The following CLIC5 variants were observed in gnomAD, a reference collection of about 807,000 sequenced individuals.
CLIC5 encodes CLIC family member 5, also known as chloride intracellular channel protein 5.
Under a neutral mutation model 24.7 loss-of-function variants are expected in CLIC5, and 20 were observed. The ratio of observed to expected loss-of-function variants is 0.81; its 90% CI spans 0.57 to 1.18. The LOEUF is 1.18. Ranked by LOEUF, CLIC5 falls within the 50% of genes most tolerant of loss-of-function variation. The pLI is 0.00. For synonymous variants in CLIC5, 159 were observed against 135.6 expected (o/e 1.17, Z -1.20); for missense variants, 341 against 326.1 (o/e 1.05, Z -0.35).
intron 1 of CLIC5, among the ~76,000 whole-genome samples, chr6:46,046,680 T>G (rs1301891211): frequency 5.3e-5 from 8 of 152,212 alleles, no homozygotes. Context: ...GTTTTAGCAC[T>G]CTTTCTATTA....
intron 1 of CLIC5, among the ~76,000 whole-genome samples, chr6:46,070,865 T>TA (rs1762575855): frequency 6.6e-6 from 1 of 152,062 alleles, no homozygotes; most frequent in Non-Finnish European, 1.5e-5. Flanking sequence ...ATGGTATTGA[T>TA]ACAAAAACAG....
intron 1 of CLIC5, among the ~76,000 whole-genome samples, chr6:46,031,266 T>A (rs1214834482): frequency 1.3e-5 from 2 of 152,224 alleles, no homozygotes; most frequent in Non-Finnish European, 2.9e-5. Context: ...CAGAATATGC[T>A]GTCTTCAGTA....
chr6:45,956,513 C>T (rs1411957286), intron 1 of CLIC5, among the ~76,000 whole-genome samples: 1 of 148,406 alleles, frequency 6.7e-6, no homozygotes, highest in Non-Finnish European at 1.5e-5. Flanking sequence ...AAAACAAATG[C>T]GTTCTCGAAG....
rs1766978394 is a variant in CLIC5 at position 46,015,685 on chromosome 6, C to G, written c.-143G>C. The G allele has an allele frequency of 7.7e-7, 1 of 1,290,790 alleles. No homozygotes were observed. 80.0% of individuals were successfully genotyped at this position (1,290,790 alleles called of 1,614,324 possible). ...AATTTTTCACAAAACCATCTATTCT[C>G]CAGCCCGAGCAGCGGGGTCTGAGAG... On this transcript the variant is annotated 5_prime_UTR_variant, in exon 1 of 6. Coordinates refer to ENST00000339561, the MANE Select transcript of CLIC5 (RefSeq NM_016929.5).
intron 1 of CLIC5, among the ~76,000 whole-genome samples, chr6:46,039,666 GT>G (rs1394155786): frequency 5.3e-5 from 8 of 152,122 alleles, no homozygotes; most frequent in Non-Finnish European, 1.0e-4. Context: ...AAAAGGGATT[GT>G]AAGGAAGTTA....
At chr6:46,110,122 T>TAC in the CLIC5 span, among the ~76,000 whole-genome samples, 2 of 152,214 alleles carry the variant, frequency 1.3e-5, no homozygotes, top group African/African-American at 4.8e-5. Context: ...TGCTCTCCGT[T>TAC]ACCTCAAGTA....
intron 5 of CLIC5, among the ~76,000 whole-genome samples, chr6:45,908,290 T>C (rs569128021): frequency 6.6e-6 from 1 of 152,312 alleles, no homozygotes; most frequent in African/African-American, 2.4e-5. Flanking sequence ...GCTCTGATTT[T>C]AGTTATTTCT....
At chr6:46,020,503 C>T (rs1472933823), upstream of CLIC5, among the ~76,000 whole-genome samples, 1 of 151,616 alleles carries the variant, frequency 6.6e-6, no homozygotes, top group African/African-American at 2.4e-5. Context: ...TCTAGGCTTC[C>T]ATTTTATGGA....
chr6:46,054,854 G>GA (rs1240197151), intron 1 of CLIC5, among the ~76,000 whole-genome samples: 1 of 152,174 alleles, frequency 6.6e-6, no homozygotes, highest in Non-Finnish European at 1.5e-5. Flanking sequence ...CCAGAACCGT[G>GA]AAAAAATAAG....
At chr6:45,919,755 G>A (rs904599194) in intron 4 of CLIC5, among the ~76,000 whole-genome samples, 1 of 152,142 alleles carries the variant, frequency 6.6e-6, no homozygotes, top group African/African-American at 2.4e-5. Context: ...TGTTGAAAAT[G>A]CTATTTTGAA....
intron 1 of CLIC5, among the ~76,000 whole-genome samples, chr6:46,015,241 G>T (rs1292393052): frequency 1.3e-5 from 2 of 152,098 alleles, no homozygotes; most frequent in African/African-American, 4.8e-5. Flanking sequence ...AGGCGGGGAC[G>T]GGGGTGGACA....
At chr6:46,042,255 G>A (rs865973514) in intron 1 of CLIC5, among the ~76,000 whole-genome samples, 2 of 152,142 alleles carry the variant, frequency 1.3e-5, no homozygotes, top group African/African-American at 2.4e-5. Flanking sequence ...TTCAATGAAA[G>A]CATTAAAAAG....
chr6:46,098,968 C>A, the CLIC5 span, among the ~76,000 whole-genome samples: 19 of 152,294 alleles, frequency 1.2e-4, no homozygotes, highest in Admixed American at 2.6e-4. Context: ...GTGTGGGGAA[C>A]CAGCACTGGC....
Position 46,009,774 on chromosome 6 carries a change from C to A in CLIC5, c.63+5706G>T, listed in dbSNP as rs1297443761. Among the ~76,000 whole-genome samples, 8 of 152,120 alleles carry A rather than the reference C, an allele frequency of 5.3e-5. No individual in the cohort carries two copies. The South Asian group carries it at 1.7e-3, about 32-fold the overall frequency. ...GATCCTCTTGAAAATAAAGAGGATC[C>A]TTTACCCTGGCCTGGCTACCAGGAG... On this transcript the variant is annotated intron_variant, in intron 1 of 5. Coordinates refer to ENST00000339561, the MANE Select transcript of CLIC5 (RefSeq NM_016929.5).
At chr6:46,041,372 T>G (rs1158271474) in intron 1 of CLIC5, among the ~76,000 whole-genome samples, 1 of 152,234 alleles carries the variant, frequency 6.6e-6, no homozygotes, top group Non-Finnish European at 1.5e-5. Flanking sequence ...TCCCATTAAC[T>G]CATGCAGGGT....
intron 4 of CLIC5, among the ~76,000 whole-genome samples, chr6:45,931,358 G>A (rs1000676985): frequency 2.0e-5 from 3 of 152,144 alleles, no homozygotes; most frequent in African/African-American, 2.4e-5. Context: ...AGCTAGTATC[G>A]CTATCCCAGG....
At chr6:45,988,981 G>A (rs2127421496) in intron 1 of CLIC5, among the ~76,000 whole-genome samples, 1 of 152,268 alleles carries the variant, frequency 6.6e-6, no homozygotes, top group Non-Finnish European at 1.5e-5. Context: ...CAGTACCTAG[G>A]GTCCAAGGCT....
chr6:45,997,513 A>G (rs1766192006), intron 1 of CLIC5, among the ~76,000 whole-genome samples: 2 of 62,312 alleles, frequency 3.2e-5, no homozygotes, highest in East Asian at 1.6e-3. Flanking sequence ...ATAATAAAAG[A>G]AAAAAAAAAA....
At chr6:45,997,287 A>G (rs1049788242) in intron 1 of CLIC5, among the ~76,000 whole-genome samples, 1 of 145,076 alleles carries the variant, frequency 6.9e-6, no homozygotes, top group African/African-American at 2.5e-5. Flanking sequence ...TCTCACTCAT[A>G]GGTGGGAATT....
Sources: allele counts gnomAD v4.1 joint callset (sites outside exome capture counted in the v4.1 genomes callset), GRCh38; gene constraint gnomAD v4.1.1; transcripts MANE v1.5; gene names NCBI Gene and HGNC (gene_info 2026-07-23, HGNC 2026-07-21).